NALF1: variants seen among roughly 807,000 people sequenced by gnomAD.
The protein encoded by NALF1 is family with sequence similarity 155 member A.
In NALF1, 3 loss-of-function variants were observed where a neutral mutation model predicts 48.4. The observed-to-expected ratio is 0.06, with a 90% confidence interval of 0.03 to 0.16. The LOEUF is 0.16. Ranked by LOEUF, NALF1 falls within the 10% of genes least tolerant of loss-of-function variation. NALF1 has a pLI of 1.00. For missense variants in NALF1, 526 were observed against 571.5 expected (o/e 0.92, Z 0.81); for synonymous variants, 262 against 245.7 (o/e 1.07, Z -0.62).
intron 2 of NALF1, among the ~76,000 whole-genome samples, chr13:107,197,124 C>A (rs775885139): frequency 6.6e-6 from 1 of 152,124 alleles, no homozygotes; most frequent in Non-Finnish European, 1.5e-5. Context: ...GTGCTCTGGG[C>A]AAATGATGTC....
intron 1 of NALF1, among the ~76,000 whole-genome samples, chr13:107,405,610 C>T (rs1883885767): frequency 6.6e-6 from 1 of 151,968 alleles, no homozygotes; most frequent in Non-Finnish European, 1.5e-5. Flanking sequence ...AACTCCAGAC[C>T]CTTGGGAAGT....
At chr13:107,570,574 T>TTA (rs907874545) in intron 1 of NALF1, among the ~76,000 whole-genome samples, 2 of 149,220 alleles carry the variant, frequency 1.3e-5, no homozygotes. Context: ...ATTTATTTAT[T>TTA]TATTTTATTT....
chr13:107,622,047 C>A (rs1422709519), intron 1 of NALF1, among the ~76,000 whole-genome samples: 1 of 151,584 alleles, frequency 6.6e-6, no homozygotes, highest in Non-Finnish European at 1.5e-5. Flanking sequence ...AGCTGGAGTA[C>A]AGTGACGCTA....
intron 1 of NALF1, among the ~76,000 whole-genome samples, chr13:107,279,043 C>CTTTTTTTTT (rs200133690): frequency 4.9e-5 from 6 of 122,922 alleles, no homozygotes; most frequent in Non-Finnish European, 9.9e-5. Flanking sequence ...TTCTTTTCTT[C>CTTTTTTTTT]TTTTTTTTTT....
At chr13:107,761,934 T>C (rs1052622693) in intron 1 of NALF1, among the ~76,000 whole-genome samples, 3 of 152,208 alleles carry the variant, frequency 2.0e-5, no homozygotes, top group South Asian at 4.1e-4. Context: ...GATTTAAATA[T>C]GCCCACTACA....
chr13:107,780,924 T>C (rs1028789104), intron 1 of NALF1, among the ~76,000 whole-genome samples: 15 of 152,216 alleles, frequency 9.9e-5, no homozygotes, highest in African/African-American at 3.6e-4. Flanking sequence ...ACCAAGTTTT[T>C]ATTCATCTTT....
intron 1 of NALF1, among the ~76,000 whole-genome samples, chr13:107,242,733 GTC>G (rs1292319825): frequency 6.6e-6 from 1 of 152,040 alleles, no homozygotes; most frequent in Non-Finnish European, 1.5e-5. Flanking sequence ...TATAGTCTCC[GTC>G]TCTCTTTAGG....
At chr13:107,355,845 A>G (rs1882954310) in intron 1 of NALF1, among the ~76,000 whole-genome samples, 1 of 152,186 alleles carries the variant, frequency 6.6e-6, no homozygotes, top group South Asian at 2.1e-4. Context: ...ACACCTGTGC[A>G]GAAAATGTTG....
chr13:107,435,167 A>C (rs1248344340), intron 1 of NALF1, among the ~76,000 whole-genome samples: 1 of 152,124 alleles, frequency 6.6e-6, no homozygotes, highest in African/African-American at 2.4e-5. Flanking sequence ...CAAAAAGCCC[A>C]AAGTGTCAAA....
intron 2 of NALF1, among the ~76,000 whole-genome samples, chr13:107,187,596 C>T (rs975237602): frequency 5.9e-5 from 9 of 152,132 alleles, no homozygotes; most frequent in African/African-American, 1.9e-4. Flanking sequence ...AAAGAAGAAC[C>T]CTGGTTTTAT....
At chr13:107,655,659 A>G (rs1880556809) in intron 1 of NALF1, among the ~76,000 whole-genome samples, 1 of 152,076 alleles carries the variant, frequency 6.6e-6, no homozygotes, top group Non-Finnish European at 1.5e-5. Flanking sequence ...AGAAAAAATA[A>G]TCCTAAAATT....
At chr13:107,628,678 AAAAC>A (rs1248799515) in intron 1 of NALF1, among the ~76,000 whole-genome samples, 4 of 152,202 alleles carry the variant, frequency 2.6e-5, no homozygotes, top group Non-Finnish European at 4.4e-5. Flanking sequence ...CAAAAAATCT[AAAAC>A]AAACAAACAA....
chr13:107,610,335 T>G (rs1025677972), intron 1 of NALF1, among the ~76,000 whole-genome samples: 8 of 152,156 alleles, frequency 5.3e-5, no homozygotes, highest in African/African-American at 1.7e-4. Context: ...ACACCAAAAT[T>G]TATTAAAGAA....
intron 1 of NALF1, among the ~76,000 whole-genome samples, chr13:107,230,647 T>G (rs1407162985): frequency 1.3e-5 from 2 of 151,968 alleles, no homozygotes; most frequent in Admixed American, 6.6e-5. Context: ...AAAGAAGATG[T>G]GCCAAGAGAA....
At chr13:107,547,415 T>G (rs749089229) in intron 1 of NALF1, among the ~76,000 whole-genome samples, 5 of 152,202 alleles carry the variant, frequency 3.3e-5, no homozygotes, top group Non-Finnish European at 7.3e-5. Flanking sequence ...ATAAATATCA[T>G]CTGTTGGTTA....
At chr13:107,294,665 A>T (rs779122444) in intron 1 of NALF1, among the ~76,000 whole-genome samples, 18 of 152,230 alleles carry the variant, frequency 1.2e-4, no homozygotes, top group Non-Finnish European at 2.6e-4. Context: ...TGAGGCAAAG[A>T]GAGCCCGAAA....
intron 1 of NALF1, among the ~76,000 whole-genome samples, chr13:107,307,995 A>G (rs1881970324): frequency 6.6e-6 from 1 of 152,118 alleles, no homozygotes; most frequent in Non-Finnish European, 1.5e-5. Flanking sequence ...TACAACTGGC[A>G]TTAACGCTGT....
At chr13:107,704,877 C>T (rs1881909899) in intron 1 of NALF1, among the ~76,000 whole-genome samples, 1 of 152,104 alleles carries the variant, frequency 6.6e-6, no homozygotes, top group African/African-American at 2.4e-5. Flanking sequence ...GGAAAGAATG[C>T]TCCCTGTCTG....
At chr13:107,262,299 C>A (rs1174315534) in intron 1 of NALF1, among the ~76,000 whole-genome samples, 1 of 152,080 alleles carries the variant, frequency 6.6e-6, no homozygotes, top group Non-Finnish European at 1.5e-5. Flanking sequence ...CCTGTTGTCC[C>A]AGCTACTCAG....
Sources: allele counts gnomAD v4.1 joint callset (sites outside exome capture counted in the v4.1 genomes callset), GRCh38; gene constraint gnomAD v4.1.1; transcripts MANE v1.5; gene names NCBI Gene and HGNC (gene_info 2026-07-23, HGNC 2026-07-21).